Variants in RELCH observed in about 807,000 individuals in gnomAD.
The protein encoded by RELCH is RAB11 binding and LisH domain, coiled-coil and HEAT repeat containing, also known as RAB11-binding protein RELCH.
Under a neutral mutation model 150.3 loss-of-function variants are expected in RELCH, and 41 were observed. The observed-to-expected ratio is 0.27, with a 90% CI of 0.21 to 0.35. The LOEUF is 0.35. RELCH is among the 10% of genes least tolerant of loss of function. The pLI is 1.00. For synonymous variants in RELCH, 478 were observed against 531.8 expected, an observed-to-expected ratio of 0.90 and a Z score of 1.39; for missense variants, 1,092 against 1,467.8, an observed-to-expected ratio of 0.74 and a Z score of 4.18.
Position 62,305,289 on chromosome 18 carries a change from A to G in RELCH, c.3531-125A>G. 1 of 751,518 alleles carries G rather than the reference A, an allele frequency of 1.3e-6. No individual in the cohort carries two copies. 46.6% of individuals were successfully genotyped at this position (751,518 alleles called of 1,614,324 possible). A position where few individuals can be genotyped will look rare whatever the true frequency, so the allele number is the denominator to read the frequency against. The stretch of plus-strand genomic sequence containing the variant: ...GTATGGCATATACAAACTACCCTCC[A>G]TAAATATTAGTTTCCCTTTTGTGAC... On this transcript the variant is annotated intron_variant, in intron 28 of 28. Coordinates refer to ENST00000644646, the MANE Select transcript of RELCH (RefSeq NM_001346231.2). This position sits in a 1 kb window ranked among gnomAD's most constrained non-coding sequence, Gnocchi z 4.0.
At chr18:62,293,488 C>T (rs2045257944) in intron 27 of RELCH, among the ~76,000 whole-genome samples, 2 of 151,824 alleles carry the variant, frequency 1.3e-5, no homozygotes, top group Admixed American at 1.3e-4. Context: ...TGAGACCTAC[C>T]CATATTTTTT....
chr18:62,288,570 G>T (rs1008625714), intron 26 of RELCH, among the ~76,000 whole-genome samples: 2 of 152,078 alleles, frequency 1.3e-5, no homozygotes, highest in East Asian at 1.9e-4. Flanking sequence ...TGGATGCATG[G>T]TTCAGAGCAG....
chr18:62,265,641 C>G (rs1338804120), intron 18 of RELCH, among the ~76,000 whole-genome samples: 1 of 151,896 alleles, frequency 6.6e-6, no homozygotes, highest in Non-Finnish European at 1.5e-5. Context: ...AAATAGTATG[C>G]TATAAGGAAC....
chr18:62,188,027 G>A lies in RELCH; in HGVS notation c.522G>A (p.Gln174=). 1 of 1,560,946 alleles carries A rather than the reference G, an allele frequency of 6.4e-7. No individual in the cohort carries two copies. The highest frequency in any genetic ancestry group is 1.4e-5 in the African/African-American group (1 of 73,888). Reference sequence around the variant, plus strand: ...CGAGTACAGCGTCGGGCGGGGGACAGCTCAGTAAGTGGACGCAGCCTGTCA... The same window carrying A: ...CGAGTACAGCGTCGGGCGGGGGACAACTCAGTAAGTGGACGCAGCCTGTCA... The part of the protein sequence containing the change: ...REPSTASGGG[Q]LNRAGSISTL... The change falls in exon 1 of 29, where the codon CAG becomes CAA. Residue 174 remains glutamine, a synonymous_variant. Coordinates refer to ENST00000644646, the MANE Select transcript of RELCH (RefSeq NM_001346231.2).
intron 13 of RELCH, 43 bp from the exon 14 acceptor site, chr18:62,257,905 G>C (rs1363351234): frequency 1.4e-6 from 2 of 1,453,078 alleles, no homozygotes; most frequent in Non-Finnish European, 9.4e-7. Context: ...CTATACTTCT[G>C]TGCTTAGGTG....
chr18:62,300,735 T>C (rs1332340468), intron 28 of RELCH: 1 of 152,234 alleles, frequency 6.6e-6, no homozygotes, highest in East Asian at 1.9e-4. Context: ...ACATCCCAAG[T>C]GGTAAAGATG....
rs750513700 is a variant in RELCH, at chr18:62,307,907, A to G, written c.*2373A>G. On this transcript the variant is annotated 3_prime_UTR_variant, in exon 29 of 29. Transcript: ENST00000644646. ...ATGATGGCAGTATCTATCTCTATACATAGGTGTCTATGACCTTCATTGGTT... is the reference window on the plus strand; with the variant it reads ...ATGATGGCAGTATCTATCTCTATACGTAGGTGTCTATGACCTTCATTGGTT... The G allele has an allele frequency of 1.3e-5, 2 of 152,214 alleles. No homozygotes were observed. Among genetic ancestry groups the G allele is most frequent in the Admixed American group, 6.5e-5 (1 of 15,286 alleles). 9.4% of individuals were successfully genotyped at this position (152,214 alleles called of 1,614,324 possible). A position where few individuals can be genotyped will look rare whatever the true frequency, so the allele number is the denominator to read the frequency against.
chr18:62,294,625 A>G (rs897926321), intron 27 of RELCH, among the ~76,000 whole-genome samples: 16 of 152,290 alleles, frequency 1.1e-4, no homozygotes, highest in African/African-American at 3.8e-4. Flanking sequence ...TTTCCAATTT[A>G]TGACATGTCT....
intron 27 of RELCH, among the ~76,000 whole-genome samples, chr18:62,292,416 T>C (rs1447086240): frequency 6.6e-6 from 1 of 152,116 alleles, no homozygotes; most frequent in African/African-American, 2.4e-5. Context: ...TTCTTCCCAA[T>C]CTCCCCTCCT....
chr18:62,222,921 A>G (rs1278001828), intron 5 of RELCH, among the ~76,000 whole-genome samples: 1 of 152,066 alleles, frequency 6.6e-6, no homozygotes, highest in African/African-American at 2.4e-5. Flanking sequence ...ATTATGAAGT[A>G]TTTTGAACTG....
In RELCH at chr18:62,258,679, A is replaced by G; in HGVS notation, c.2202+3A>G. 6 of 1,571,824 alleles carry G rather than the reference A, an allele frequency of 3.8e-6. No homozygotes were observed. The highest frequency in any genetic ancestry group is 5.2e-6 in the Non-Finnish European group (6 of 1,162,966). On this transcript the variant is annotated splice_donor_region_variant and intron_variant, in intron 15 of 28. Coordinates refer to ENST00000644646, the MANE Select transcript of RELCH (RefSeq NM_001346231.2). ...ACAAGATTGAAAAACTTCTCAGGGT[A>G]AGTTCTTCTTTTGTTTATATAGTTT... is the stretch of plus-strand genomic sequence containing the variant.
chr18:62,295,052 G>A (rs988996778), intron 27 of RELCH, among the ~76,000 whole-genome samples: 10 of 152,176 alleles, frequency 6.6e-5, no homozygotes, highest in Non-Finnish European at 1.2e-4. Context: ...AGTAGGACAA[G>A]TCCAGCATCC....
chr18:62,280,297 G>A, intron 23 of RELCH: 3 of 1,375,266 alleles, frequency 2.2e-6, no homozygotes, highest in Middle Eastern at 1.8e-4. Flanking sequence ...CTCAGTCACA[G>A]CTAACCCAGT....
At chr18:62,300,245 A>G (rs548678636) in intron 28 of RELCH, 2 of 152,274 alleles carry the variant, frequency 1.3e-5, no homozygotes, top group African/African-American at 4.8e-5. Context: ...CTGGGTCTAG[A>G]TCTAGAGACT....
chr18:62,222,582 T>C (rs2040948486), intron 5 of RELCH, among the ~76,000 whole-genome samples: 1 of 151,974 alleles, frequency 6.6e-6, no homozygotes. Context: ...GTATTCACTG[T>C]AAGTGTAAAT....
chr18:62,244,586 A>C (rs1436367291), intron 10 of RELCH, among the ~76,000 whole-genome samples, 178 bp from the exon 11 acceptor site: 1 of 152,220 alleles, frequency 6.6e-6, no homozygotes, highest in Non-Finnish European at 1.5e-5. Context: ...CACAACCAAC[A>C]CATAAACGTT....
At chr18:62,270,857 A>G (rs1166590193) in intron 20 of RELCH, among the ~76,000 whole-genome samples, 2 of 148,968 alleles carry the variant, frequency 1.3e-5, no homozygotes, top group African/African-American at 4.9e-5. Context: ...AAGTGTTCTC[A>G]TTGTTCAATT....
intron 10 of RELCH, chr18:62,235,018 A>G (rs570518124): frequency 2.0e-4 from 31 of 151,894 alleles, no homozygotes; most frequent in Non-Finnish European, 4.3e-4. Context: ...AAGTCAATCA[A>G]TGTTATAGAA....
Position 62,227,437 on chromosome 18 carries a change from T to A in RELCH, c.1007T>A (p.Leu336His). Residue 336 changes from leucine to histidine, a missense_variant, in exon 6 of 29, where the codon CTT (leucine) becomes CAT (histidine). By Grantham distance (99) the Leu-to-His change is moderately conservative (BLOSUM62 -3). Coordinates refer to ENST00000644646, the MANE Select transcript of RELCH (RefSeq NM_001346231.2). ...GTAGAAGAAGATGAATTAGAGGCCCTTACACCAATTATAAGCAACCTTCCT... is the reference window on the plus strand; with the variant it reads ...GTAGAAGAAGATGAATTAGAGGCCCATACACCAATTATAAGCAACCTTCCT... ...SGVEEDELEA[L>H]TPIISNLPPT... 6.2e-7 allele frequency: 1 copy of A among 1,613,180 alleles called. No individual in the cohort carries two copies. The highest frequency in any genetic ancestry group is 8.5e-7 in the Non-Finnish European group (1 of 1,179,540).
Sources: gnomAD v4.1 joint callset for allele counts (sites outside exome capture counted in the v4.1 genomes callset) on GRCh38, gnomAD v4.1.1 for gene constraint, Gnocchi (gnomAD v3.1) non-coding constraint, MANE v1.5 for transcripts, NCBI Gene and HGNC (gene_info 2026-07-23, HGNC 2026-07-21) for gene names.